The following DENND1B variants were observed in gnomAD, a reference collection of about 807,000 sequenced individuals.
The protein encoded by DENND1B is DENN domain containing 1B.
DENND1B carries 59 observed loss-of-function variants against 90.1 expected under a neutral mutation model. That is an observed-to-expected ratio of 0.65 (90% CI 0.53 to 0.81). The LOEUF is 0.81. Ranked by LOEUF, DENND1B falls within the 40% of genes least tolerant of loss-of-function variation. DENND1B has a pLI of 0.00. For missense variants in DENND1B, 862 were observed against 912.6 expected (o/e 0.94, Z 0.71); for synonymous variants, 337 against 324.6 (o/e 1.04, Z -0.41).
chr1:197,553,244 A>C, intron 15 of DENND1B, 132 bp from the exon 16 acceptor site: 1 of 680,220 alleles, frequency 1.5e-6, no homozygotes, highest in Non-Finnish European at 2.3e-6. Context: ...TATAAATTAC[A>C]CATATATGGT....
At chr1:197,645,179 T>A (rs1680623146) in intron 9 of DENND1B, among the ~76,000 whole-genome samples, 1 of 152,096 alleles carries the variant, frequency 6.6e-6, no homozygotes, top group Non-Finnish European at 1.5e-5. Context: ...CATCAAACCT[T>A]GCAAGATATG....
chr1:197,574,413 T>C (rs531060446), intron 15 of DENND1B, among the ~76,000 whole-genome samples: 1 of 152,260 alleles, frequency 6.6e-6, no homozygotes, highest in Non-Finnish European at 1.5e-5. Flanking sequence ...CAAGGAGAAC[T>C]ACAAACCACT....
intron 3 of DENND1B, among the ~76,000 whole-genome samples, chr1:197,674,383 G>A (rs545855385): frequency 1.3e-5 from 2 of 152,054 alleles, no homozygotes; most frequent in Admixed American, 6.6e-5. Context: ...GAAACCCCAG[G>A]GGGGAAAGGC....
At chr1:197,585,576 A>G (rs1674626581) in intron 14 of DENND1B, among the ~76,000 whole-genome samples, 1 of 152,226 alleles carries the variant, frequency 6.6e-6, no homozygotes, top group Non-Finnish European at 1.5e-5. Context: ...CAGGTAAAGA[A>G]AAAGCTCAGA....
intron 3 of DENND1B, among the ~76,000 whole-genome samples, chr1:197,675,873 C>T (rs575202923): frequency 9.7e-4 from 147 of 152,042 alleles, no homozygotes; most frequent in African/African-American, 3.4e-3. Flanking sequence ...AGACTCAAGA[C>T]GAACGCTTCC....
At chr1:197,520,711 C>A (rs1405986180) in intron 20 of DENND1B, among the ~76,000 whole-genome samples, 1 of 151,750 alleles carries the variant, frequency 6.6e-6, no homozygotes, top group Non-Finnish European at 1.5e-5. Flanking sequence ...TAAAATACAT[C>A]ATGAGAAAAC....
At chr1:197,624,288 T>C (rs1013620694) in intron 10 of DENND1B, among the ~76,000 whole-genome samples, 1 of 151,618 alleles carries the variant, frequency 6.6e-6, no homozygotes, top group South Asian at 2.1e-4. Flanking sequence ...CAACTAATCT[T>C]TGACAAAGAA....
At chr1:197,607,029 G>T in intron 13 of DENND1B, 44 bp downstream of exon 13, 1 of 1,420,248 alleles carries the variant, frequency 7.0e-7, no homozygotes, top group African/African-American at 1.4e-5. Context: ...CAGAGGTCCA[G>T]GAGAAAACAT....
intron 12 of DENND1B, among the ~76,000 whole-genome samples, chr1:197,608,733 T>C (rs1435763654): frequency 6.6e-6 from 1 of 150,526 alleles, no homozygotes. Flanking sequence ...CCCAAAGTGT[T>C]TCGTGAGGAC....
intron 2 of DENND1B, among the ~76,000 whole-genome samples, chr1:197,762,813 TG>T (rs1490856543): frequency 1.3e-5 from 2 of 152,200 alleles, no homozygotes; most frequent in African/African-American, 4.8e-5. Context: ...TTGTTCTTCC[TG>T]GGTCTGACAT....
intron 11 of DENND1B, 36 bp from the exon 12 acceptor site, chr1:197,612,012 AGTTCAT>A: frequency 1.3e-6 from 2 of 1,515,848 alleles, no homozygotes; most frequent in Non-Finnish European, 1.8e-6. Context: ...AGATTCATAT[AGTTCAT>A]TAAAACTGAA....
chr1:197,561,222 T>C (rs1672136290), intron 15 of DENND1B, among the ~76,000 whole-genome samples: 1 of 151,956 alleles, frequency 6.6e-6, no homozygotes, highest in Non-Finnish European at 1.5e-5. Context: ...CATGCTTCAA[T>C]CACAATTTCT....
Position 197,656,816 on chromosome 1 carries a change from A to T in DENND1B, c.366+1484T>A, listed in dbSNP as rs182793411. Reference sequence around the variant, plus strand: ...AAGACTCTGTCTCCAAAAAAAATTTAAAAAAAAAATCAAAGATTAAGGGAA... The same window carrying T: ...AAGACTCTGTCTCCAAAAAAAATTTTAAAAAAAAATCAAAGATTAAGGGAA... On this transcript the variant is annotated intron_variant, in intron 6 of 22. Transcript: ENST00000620048. 6.2e-3 allele frequency among the ~76,000 whole-genome samples: 927 copies of T among 150,366 alleles called. 6 individuals are homozygous for T. Among genetic ancestry groups the T allele is most frequent in the Admixed American group, 0.017 (256 of 15,054 alleles).
At chr1:197,646,533 C>A (rs1242694663) in intron 8 of DENND1B, among the ~76,000 whole-genome samples, 1 of 151,648 alleles carries the variant, frequency 6.6e-6, no homozygotes, top group African/African-American at 2.4e-5. Flanking sequence ...TCATATTAAT[C>A]TCCAAAATTA....
intron 2 of DENND1B, among the ~76,000 whole-genome samples, chr1:197,719,998 C>G (rs76173208): frequency 0.018 from 2,811 of 152,222 alleles, 84 homozygotes; most frequent in African/African-American, 0.063. Flanking sequence ...TAACACAATG[C>G]TTTCTGTGTA....
At chr1:197,614,233 T>G (rs546556814) in intron 11 of DENND1B, among the ~76,000 whole-genome samples, 1 of 151,128 alleles carries the variant, frequency 6.6e-6, no homozygotes, top group African/African-American at 2.4e-5. Context: ...ATGGGATCAC[T>G]TGTTATCTCC....
chr1:197,573,055 G>C (rs971144923), intron 15 of DENND1B, among the ~76,000 whole-genome samples: 12 of 151,772 alleles, frequency 7.9e-5, no homozygotes, highest in Non-Finnish European at 7.4e-5. Flanking sequence ...TCTTGCTAGC[G>C]GTCTATCAAT....
intron 15 of DENND1B, among the ~76,000 whole-genome samples, chr1:197,565,304 T>C (rs561178273): frequency 4.6e-4 from 70 of 152,084 alleles, no homozygotes; most frequent in African/African-American, 1.6e-3. Flanking sequence ...CAACATCTTA[T>C]TATGTCAGGG....
At chr1:197,640,964 T>C (rs1377785264) in intron 10 of DENND1B, among the ~76,000 whole-genome samples, 1 of 152,132 alleles carries the variant, frequency 6.6e-6, no homozygotes, top group Non-Finnish European at 1.5e-5. Context: ...AACAAAATAC[T>C]ACCTCATTGG....
Sources: allele counts gnomAD v4.1 joint callset (sites outside exome capture counted in the v4.1 genomes callset), GRCh38; gene constraint gnomAD v4.1.1; transcripts MANE v1.5; gene names NCBI Gene and HGNC (gene_info 2026-07-23, HGNC 2026-07-21).